NALF1: variants seen among roughly 807,000 people sequenced by gnomAD.
NALF1 encodes family with sequence similarity 155 member A.
NALF1 carries 3 observed loss-of-function variants against 48.4 expected under a neutral mutation model. The observed-to-expected ratio is 0.06, with a 90% CI of 0.03 to 0.16. The LOEUF is 0.16. Ranked by LOEUF, NALF1 falls within the 10% of genes least tolerant of loss-of-function variation. The pLI, the probability that NALF1 is intolerant of heterozygous loss-of-function variation, is 1.00. For synonymous variants in NALF1, 262 were observed against 245.7 expected, an observed-to-expected ratio of 1.07 and a Z score of -0.62; for missense variants, 526 against 571.5, an observed-to-expected ratio of 0.92 and a Z score of 0.81.
chr13:107,651,579 T>C (rs1204347897), intron 1 of NALF1, among the ~76,000 whole-genome samples: 3 of 152,198 alleles, frequency 2.0e-5, no homozygotes, highest in African/African-American at 7.2e-5. Flanking sequence ...ATTTTAAAAC[T>C]AGCCTGTTCC....
intron 1 of NALF1, among the ~76,000 whole-genome samples, chr13:107,828,614 C>T (rs879330721): frequency 0.024 from 3,097 of 129,238 alleles, 51 homozygotes; most frequent in African/African-American, 0.053. Flanking sequence ...TATACACACA[C>T]ACACACACAC....
At chr13:107,739,084 C>T (rs1238833635) in intron 1 of NALF1, among the ~76,000 whole-genome samples, 2 of 152,022 alleles carry the variant, frequency 1.3e-5, no homozygotes, top group Non-Finnish European at 2.9e-5. Flanking sequence ...ACCGCATGTT[C>T]CACTCATAAG....
intron 1 of NALF1, among the ~76,000 whole-genome samples, chr13:107,567,634 C>T (rs1012747507): frequency 6.6e-6 from 1 of 152,214 alleles, no homozygotes; most frequent in Non-Finnish European, 1.5e-5. Context: ...ATTACACATG[C>T]ACTCTTCTGT....
intron 1 of NALF1, among the ~76,000 whole-genome samples, chr13:107,750,511 G>GT (rs1021850777): frequency 1.3e-5 from 2 of 151,354 alleles, no homozygotes; most frequent in Non-Finnish European, 2.9e-5. Flanking sequence ...CATGCAGTTA[G>GT]TTTTTTAAAA....
chr13:107,358,612 T>C (rs894118492), intron 1 of NALF1, among the ~76,000 whole-genome samples: 3 of 152,060 alleles, frequency 2.0e-5, no homozygotes, highest in Admixed American at 2.0e-4. Context: ...TTTAAAGACA[T>C]TCAATAAAAC....
chr13:107,199,984 C>T (rs1879477315), intron 2 of NALF1, among the ~76,000 whole-genome samples: 1 of 152,130 alleles, frequency 6.6e-6, no homozygotes, highest in African/African-American at 2.4e-5. Context: ...GGAGTTGCTA[C>T]TCACTAATGA....
At chr13:107,173,795 G>A (rs1878854919) in intron 2 of NALF1, among the ~76,000 whole-genome samples, 5 of 152,308 alleles carry the variant, frequency 3.3e-5, no homozygotes, top group Middle Eastern at 3.4e-3. Flanking sequence ...GGCTGGGTAT[G>A]GAATTCTAAT....
At chr13:107,503,742 GGTGTGTGTGTTTGTGTGTGTGTGTGT>G (rs1446511271) in intron 1 of NALF1, among the ~76,000 whole-genome samples, 1 of 78,970 alleles carries the variant, frequency 1.3e-5, no homozygotes, top group Non-Finnish European at 3.0e-5. Flanking sequence ...ATGTGTGTCT[GGTGTGTGTGTTTGTGTGTGTGTGTGT>G]GTGTGTGTGT....
intron 1 of NALF1, among the ~76,000 whole-genome samples, chr13:107,725,615 G>T (rs1381126431): frequency 6.6e-6 from 1 of 151,834 alleles, no homozygotes; most frequent in Non-Finnish European, 1.5e-5. Flanking sequence ...AACCAGGGAA[G>T]TGGAGGTTGC....
rs191052654 is a variant in NALF1 at position 107,470,868 on chromosome 13, C to T, written c.916-260113G>A. On this transcript the variant is annotated intron_variant, in intron 1 of 2. Coordinates refer to ENST00000375915, the MANE Select transcript of NALF1 (RefSeq NM_001080396.3). Reference sequence around the variant, plus strand: ...AATAATATAAGATTATTAATAACTACGATCGTTAATAATTTAAAGGGTGAC... The same window carrying T: ...AATAATATAAGATTATTAATAACTATGATCGTTAATAATTTAAAGGGTGAC... 6.5e-4 allele frequency among the ~76,000 whole-genome samples: 99 copies of T among 152,092 alleles called. 1 individual carries two copies. The highest frequency in any genetic ancestry group is 3.4e-3 in the Middle Eastern group (1 of 294).
chr13:107,343,708 C>T (rs987708505), intron 1 of NALF1, among the ~76,000 whole-genome samples: 2 of 152,076 alleles, frequency 1.3e-5, no homozygotes, highest in African/African-American at 4.8e-5. Flanking sequence ...TTATGGGATG[C>T]AGCCAAAAGC....
chr13:107,467,849 G>A (rs1290380361), intron 1 of NALF1, among the ~76,000 whole-genome samples: 1 of 152,018 alleles, frequency 6.6e-6, no homozygotes, highest in African/African-American at 2.4e-5. Flanking sequence ...GACCATTCTG[G>A]CTAACATGGT....
At chr13:107,650,576 T>G (rs538179891) in intron 1 of NALF1, among the ~76,000 whole-genome samples, 1 of 151,608 alleles carries the variant, frequency 6.6e-6, no homozygotes. Flanking sequence ...CTTTGGTGAC[T>G]TGGGGAGAAG....
chr13:107,645,156 A>T (rs942549628), intron 1 of NALF1, among the ~76,000 whole-genome samples: 1 of 152,124 alleles, frequency 6.6e-6, no homozygotes, highest in Admixed American at 6.6e-5. Context: ...AGTCTTAAGG[A>T]TGTATATATT....
intron 1 of NALF1, among the ~76,000 whole-genome samples, chr13:107,671,843 C>A (rs897468517): frequency 6.6e-6 from 1 of 152,012 alleles, no homozygotes; most frequent in African/African-American, 2.4e-5. Context: ...CTGTCCTATG[C>A]CTGGAAGAAT....
intron 1 of NALF1, among the ~76,000 whole-genome samples, chr13:107,400,623 G>C (rs141945994): frequency 0.021 from 3,131 of 152,194 alleles, 37 homozygotes; most frequent in Middle Eastern, 0.058. Context: ...TGAGGCAGGA[G>C]AATCAGGGAG....
intron 1 of NALF1, among the ~76,000 whole-genome samples, chr13:107,712,774 TCAGTAGA>T (rs1875642887): frequency 6.6e-6 from 1 of 152,226 alleles, no homozygotes; most frequent in Admixed American, 6.5e-5. Flanking sequence ...GAGCTGTCTT[TCAGTAGA>T]CAGTCTACAA....
At chr13:107,453,854 T>G (rs1227764722) in intron 1 of NALF1, among the ~76,000 whole-genome samples, 1 of 152,208 alleles carries the variant, frequency 6.6e-6, no homozygotes, top group East Asian at 1.9e-4. Flanking sequence ...CCAAGTCAGC[T>G]CTTGAATGCT....
chr13:107,785,761 A>G (rs1878053418), intron 1 of NALF1, among the ~76,000 whole-genome samples: 1 of 152,204 alleles, frequency 6.6e-6, no homozygotes, highest in African/African-American at 2.4e-5. Context: ...CCCTTTACAG[A>G]CTTTTTGAAG....
Sources: allele counts gnomAD v4.1 joint callset (sites outside exome capture counted in the v4.1 genomes callset), GRCh38; gene constraint gnomAD v4.1.1; transcripts MANE v1.5; gene names NCBI Gene and HGNC (gene_info 2026-07-23, HGNC 2026-07-21).